MACROD2: variants seen among roughly 807,000 people sequenced by gnomAD.
The protein encoded by MACROD2 is mono-ADP ribosylhydrolase 2, also known as ADP-ribose glycohydrolase MACROD2.
Under a neutral mutation model 70.4 loss-of-function variants are expected in MACROD2, and 36 were observed. That is an observed-to-expected ratio of 0.51 (90% CI 0.39 to 0.68). The LOEUF is 0.68. Ranked by LOEUF, MACROD2 falls within the 30% of genes least tolerant of loss-of-function variation. MACROD2 has a pLI of 0.00. For synonymous variants in MACROD2, 172 were observed against 178.8 expected, an observed-to-expected ratio of 0.96 and a Z score of 0.30; for missense variants, 496 against 538.4, an observed-to-expected ratio of 0.92 and a Z score of 0.78.
At chr20:14,679,312 G>T (rs1447415761) in intron 4 of MACROD2, among the ~76,000 whole-genome samples, 1 of 152,172 alleles carries the variant, frequency 6.6e-6, no homozygotes, top group Non-Finnish European at 1.5e-5. Context: ...GGCAGAAAAG[G>T]AGAGGGAATA....
chr20:15,019,731 G>A (rs1019238613), intron 5 of MACROD2, among the ~76,000 whole-genome samples: 6 of 152,128 alleles, frequency 3.9e-5, no homozygotes, highest in South Asian at 4.1e-4. Flanking sequence ...AAAACAGTTA[G>A]AGACCATTTG....
chr20:14,611,310 C>G (rs1032294898), intron 4 of MACROD2, among the ~76,000 whole-genome samples: 1 of 152,018 alleles, frequency 6.6e-6, no homozygotes, highest in Non-Finnish European at 1.5e-5. Context: ...AGAAGAATAC[C>G]TGGTGTATAG....
intron 8 of MACROD2, among the ~76,000 whole-genome samples, chr20:15,701,190 C>T (rs1419527694): frequency 6.6e-6 from 1 of 152,154 alleles, no homozygotes; most frequent in Non-Finnish European, 1.5e-5. Context: ...GCTTTTGTGC[C>T]ACAATGGCAG....
intron 4 of MACROD2, among the ~76,000 whole-genome samples, chr20:14,543,408 C>G (rs6074754): frequency 6.6e-6 from 1 of 152,178 alleles, no homozygotes; most frequent in Non-Finnish European, 1.5e-5. Flanking sequence ...ATCTTTTAAG[C>G]TCCTATATGT....
intron 6 of MACROD2, among the ~76,000 whole-genome samples, chr20:15,246,134 G>A (rs538643055): frequency 2.0e-5 from 3 of 152,292 alleles, no homozygotes; most frequent in Admixed American, 6.5e-5. Flanking sequence ...TTATCTCAGT[G>A]TCAAAGCTAT....
At chr20:15,741,740 T>C (rs1367948386) in intron 8 of MACROD2, among the ~76,000 whole-genome samples, 2 of 152,164 alleles carry the variant, frequency 1.3e-5, no homozygotes, top group Non-Finnish European at 2.9e-5. Context: ...ACACAAGATA[T>C]CATTTTCCTA....
chr20:15,034,515 G>A (rs1445193103), intron 5 of MACROD2, among the ~76,000 whole-genome samples: 1 of 152,108 alleles, frequency 6.6e-6, no homozygotes, highest in Non-Finnish European at 1.5e-5. Context: ...GCCAAAATTG[G>A]GGGTGAGGTG....
chr20:15,930,035 T>A (rs1478555939), intron 10 of MACROD2, among the ~76,000 whole-genome samples: 1 of 152,216 alleles, frequency 6.6e-6, no homozygotes, highest in Non-Finnish European at 1.5e-5. Flanking sequence ...GAAATAAATA[T>A]GTGATCTTAA....
At chr20:14,151,794 G>A (rs2055024770) in intron 3 of MACROD2, among the ~76,000 whole-genome samples, 1 of 148,828 alleles carries the variant, frequency 6.7e-6, no homozygotes, top group East Asian at 2.0e-4. Context: ...GTGGTAATTG[G>A]CCTTGTTGTA....
At chr20:14,437,531 T>C (rs2084070015) in intron 3 of MACROD2, among the ~76,000 whole-genome samples, 1 of 152,090 alleles carries the variant, frequency 6.6e-6, no homozygotes, top group African/African-American at 2.4e-5. Context: ...GAAGAAGAGG[T>C]TGCAGTGAGT....
intron 5 of MACROD2, among the ~76,000 whole-genome samples, chr20:14,925,004 G>C (rs1308413564): frequency 6.7e-6 from 1 of 150,204 alleles, no homozygotes; most frequent in Non-Finnish European, 1.5e-5. Flanking sequence ...CTGTGTATAA[G>C]GTATTGGCAC....
At chr20:15,352,713 C>T (rs1208301227) in intron 6 of MACROD2, among the ~76,000 whole-genome samples, 1 of 152,062 alleles carries the variant, frequency 6.6e-6, no homozygotes, top group Non-Finnish European at 1.5e-5. Context: ...CAATAAGAGA[C>T]AAACAGAGAG....
At chr20:14,041,340 T>C (rs1440073750) in intron 2 of MACROD2, among the ~76,000 whole-genome samples, 1 of 152,184 alleles carries the variant, frequency 6.6e-6, no homozygotes, top group Non-Finnish European at 1.5e-5. Flanking sequence ...TGATAGTAAA[T>C]GTTTGAGGCT....
intron 5 of MACROD2, among the ~76,000 whole-genome samples, chr20:15,145,622 C>T (rs2076224706): frequency 6.6e-6 from 1 of 151,948 alleles, no homozygotes; most frequent in Admixed American, 6.6e-5. Context: ...CAAATAAAGA[C>T]TAAGAAAAGA....
At chr20:15,044,110 G>GACAA (rs1487422805) in intron 5 of MACROD2, among the ~76,000 whole-genome samples, 1 of 152,142 alleles carries the variant, frequency 6.6e-6, no homozygotes, top group Non-Finnish European at 1.5e-5. Context: ...CCCCTCCATG[G>GACAA]AGGTTGGAAG....
chr20:14,787,112 A>T (rs1012407964), intron 5 of MACROD2, among the ~76,000 whole-genome samples: 2 of 152,080 alleles, frequency 1.3e-5, no homozygotes, highest in African/African-American at 4.8e-5. Flanking sequence ...CTCATTTTTG[A>T]TCTGTCATGT....
intron 8 of MACROD2, among the ~76,000 whole-genome samples, chr20:15,852,112 A>G (rs539419491): frequency 2.9e-4 from 44 of 152,196 alleles, no homozygotes; most frequent in Non-Finnish European, 5.1e-4. Flanking sequence ...CACACTAAAC[A>G]TATGGAGCAG....
chr20:14,305,018 G>A (rs918629254), intron 3 of MACROD2, among the ~76,000 whole-genome samples: 5 of 152,118 alleles, frequency 3.3e-5, no homozygotes, highest in East Asian at 1.9e-4. Flanking sequence ...TCTGATGCTC[G>A]GCCCCACTCC....
intron 8 of MACROD2, among the ~76,000 whole-genome samples, chr20:15,616,172 C>T (rs2049036237): frequency 7.1e-6 from 1 of 141,790 alleles, no homozygotes; most frequent in Middle Eastern, 4.4e-3. Flanking sequence ...GGTGTGATCT[C>T]GGCCCACTGC....
Sources: gnomAD v4.1 joint callset for allele counts (sites outside exome capture counted in the v4.1 genomes callset) on GRCh38, gnomAD v4.1.1 for gene constraint, MANE v1.5 for transcripts, NCBI Gene and HGNC (gene_info 2026-07-23, HGNC 2026-07-21) for gene names.